The following TEX10 variants were observed in gnomAD, a reference collection of about 807,000 sequenced individuals.
TEX10 encodes testis-expressed protein 10.
In TEX10, 24 loss-of-function variants were observed where a neutral mutation model predicts 104.4. The observed-to-expected ratio is 0.23, with a 90% CI of 0.17 to 0.32. TEX10 has a LOEUF of 0.32. Among genes scored for constraint, TEX10 ranks in the 10% least tolerant of loss-of-function variants. The pLI, the probability that TEX10 is intolerant of heterozygous loss-of-function variation, is 1.00. For synonymous variants in TEX10, 396 were observed against 393.4 expected (o/e 1.01, Z -0.08); for missense variants, 921 against 1,083.9 (o/e 0.85, Z 2.11).
At chr9:100,341,246 G>A (rs751615124) in intron 4 of TEX10, among the ~76,000 whole-genome samples, 15 of 152,098 alleles carry the variant, frequency 9.9e-5, no homozygotes, top group African/African-American at 3.6e-4. Context: ...GATTACAGGC[G>A]TGAGCCACTG....
At chr9:100,304,059 A>G (rs1834084490) in intron 13 of TEX10, 1 of 576,156 alleles carries the variant, frequency 1.7e-6, no homozygotes, top group Non-Finnish European at 3.1e-6. Context: ...AAAGATCTCT[A>G]CAAGAAAAAC....
intron 8 of TEX10, among the ~76,000 whole-genome samples, chr9:100,327,239 G>T (rs185175334): frequency 2.8e-4 from 43 of 152,114 alleles, no homozygotes; most frequent in African/African-American, 1.0e-3. Flanking sequence ...AAATGTTTTA[G>T]AATTAGACAG....
At chr9:100,330,231 T>C (rs1588177822) in intron 5 of TEX10, 62 bp from the exon 6 acceptor site, 1 of 1,197,706 alleles carries the variant, frequency 8.3e-7, no homozygotes, top group Non-Finnish European at 1.2e-6. Flanking sequence ...TTCATTAGAA[T>C]ACTTAAAATA....
Position 100,352,875 on chromosome 9 carries a change from C to T in TEX10, c.-113G>A. ...CGCCGCCGACCTCAGGCTCTAGCTC[C>T]CGGAGCGTGTTTTCAAATAGCCTCG... is the stretch of plus-strand genomic sequence containing the variant. On this transcript the variant is annotated 5_prime_UTR_variant, in exon 1 of 15. Transcript: ENST00000374902. 2 of 998,428 alleles carry T rather than the reference C, an allele frequency of 2.0e-6. No individual in the cohort carries two copies. Among genetic ancestry groups the T allele is most frequent in the South Asian group, 4.5e-5 (1 of 22,170 alleles). The allele number at this position is 998,428 out of a possible 1,614,324, so 61.8% of individuals were successfully genotyped here.
chr9:100,305,457 G>A (rs1834122123), intron 13 of TEX10: 1 of 152,220 alleles, frequency 6.6e-6, no homozygotes, highest in Admixed American at 6.5e-5. Context: ...CGGAGATACA[G>A]ACTACACAAA....
rs571892564 is a variant in TEX10, at chr9:100,306,189, G to A, written c.2465+2311C>T. On this transcript the variant is annotated intron_variant, in intron 13 of 14. Transcript: ENST00000374902. ...AATTGAAAGATTTTTAAGAGACGAA[G>A]ACAGAATAAAAAGCTCCCTATGTTT... 5 of 152,146 alleles carry A rather than the reference G, an allele frequency of 3.3e-5. No homozygotes were observed. The South Asian group carries it at 1.0e-3, about 32-fold the overall frequency. 9.4% of individuals were successfully genotyped at this position (152,146 alleles called of 1,614,324 possible). A position where few individuals can be genotyped will look rare whatever the true frequency, so the allele number is the denominator to read the frequency against.
chr9:100,332,208 T>G (rs1237584609), intron 5 of TEX10, among the ~76,000 whole-genome samples: 5 of 152,208 alleles, frequency 3.3e-5, no homozygotes, highest in Admixed American at 6.5e-5. Flanking sequence ...TTTTATTTTG[T>G]GTAGTGATAC....
intron 9 of TEX10, among the ~76,000 whole-genome samples, chr9:100,323,440 G>A (rs1352270244): frequency 4.6e-5 from 7 of 152,074 alleles, no homozygotes; most frequent in East Asian, 1.9e-4. Flanking sequence ...CTAACACCAC[G>A]GAGCATCTTT....
chr9:100,321,584 C>A, intron 10 of TEX10, 99 bp downstream of exon 10: 3 of 950,908 alleles, frequency 3.2e-6, no homozygotes, highest in Non-Finnish European at 1.6e-6. Flanking sequence ...TTATCATCTT[C>A]AAAACTGAAC....
At chr9:100,345,885 A>T (rs912810556) in intron 4 of TEX10, among the ~76,000 whole-genome samples, 187 bp downstream of exon 4, 2 of 137,116 alleles carry the variant, frequency 1.5e-5, no homozygotes. Flanking sequence ...ATATATATAT[A>T]TTCACAGATA....
At chr9:100,351,345 C>T (rs1835436233) in intron 1 of TEX10, among the ~76,000 whole-genome samples, 1 of 138,010 alleles carries the variant, frequency 7.2e-6, no homozygotes, top group Non-Finnish European at 1.5e-5. Context: ...TCACCCACAC[C>T]TCTAGTTACC....
intron 4 of TEX10, among the ~76,000 whole-genome samples, chr9:100,343,584 A>G (rs1321019670): frequency 6.6e-6 from 1 of 151,942 alleles, no homozygotes; most frequent in Non-Finnish European, 1.5e-5. Flanking sequence ...AAAGCTTCAA[A>G]TTACTAAAAA....
intron 11 of TEX10, 58 bp downstream of exon 11, chr9:100,320,207 T>C: frequency 6.7e-7 from 1 of 1,498,294 alleles, no homozygotes; most frequent in Non-Finnish European, 9.0e-7. Flanking sequence ...TAGTAACTAT[T>C]ACTGGTTGAT....
intron 11 of TEX10, among the ~76,000 whole-genome samples, chr9:100,312,031 A>G (rs1834295571): frequency 6.6e-6 from 1 of 152,224 alleles, no homozygotes; most frequent in African/African-American, 2.4e-5. Context: ...AATATCTTGT[A>G]GATATTACCC....
intron 3 of TEX10, 35 bp downstream of exon 3, chr9:100,346,659 C>G (rs2151131): frequency 0.82 from 1,280,915 of 1,563,466 alleles, 527,180 homozygotes; most frequent in African/African-American, 0.96. Context: ...TTCAATACAG[C>G]AAAACTGTGT....
At chr9:100,319,929 T>A (rs571444177) in intron 11 of TEX10, among the ~76,000 whole-genome samples, 1 of 152,218 alleles carries the variant, frequency 6.6e-6, no homozygotes, top group African/African-American at 2.4e-5. Flanking sequence ...CCAAAGGAAC[T>A]GGTGAATAAT....
chr9:100,347,420 T>C lies in TEX10; in HGVS notation c.181-14A>G. ...TGACAGCAAATCCTATAAATAAAAA[T>C]ACAAATTTTAGATGTATACTTATAT... On this transcript the variant is annotated splice_polypyrimidine_tract_variant and intron_variant, in intron 2 of 14. Coordinates refer to ENST00000374902, the MANE Select transcript of TEX10 (RefSeq NM_017746.4). 1 of 1,537,436 alleles carries C rather than the reference T, an allele frequency of 6.5e-7. No individual in the cohort carries two copies.
Position 100,303,840 on chromosome 9 carries a change from T to C in TEX10, c.2468A>G (p.Asp823Gly). The change falls in exon 14 of 15, where the codon GAC (aspartate) becomes GGC (glycine). Residue 823 changes from aspartate to glycine, a missense_variant and splice_region_variant. Around this residue, in one of 3 missense-constraint regions of TEX10, gnomAD observed 753 missense variants for 868.4 expected, o/e 0.87. Transcript: ENST00000374902. ...KGEAEHLRKRDKLWGVCVSIL... is the reference protein window; with the variant it reads ...KGEAEHLRKRGKLWGVCVSIL... ...GGAGACACAGACCCCCCACAGCTTG[T>C]CCCTACAATAACAGAGACAGAAATG... is the stretch of plus-strand genomic sequence containing the variant. 1.2e-6 allele frequency: 2 copies of C among 1,613,366 alleles called. No individual in the cohort carries two copies. The highest frequency in any genetic ancestry group is 3.3e-5 in the Admixed American group (2 of 59,964).
chr9:100,339,275 G>GTATA (rs1281859664), intron 5 of TEX10, among the ~76,000 whole-genome samples: 4,839 of 71,986 alleles, frequency 0.067, 74 homozygotes, highest in Non-Finnish European at 0.086. Context: ...AAAAAAAAAA[G>GTATA]TATATATATA....
Sources: gnomAD v4.1 joint callset for allele counts (sites outside exome capture counted in the v4.1 genomes callset) on GRCh38, gnomAD v4.1.1 for gene constraint, gnomAD v4.1.1 regional missense constraint, MANE v1.5 for transcripts, NCBI Gene and HGNC (gene_info 2026-07-23, HGNC 2026-07-21) for gene names.